MGA: variants seen among roughly 807,000 people sequenced by gnomAD.
MGA encodes the protein MAX gene-associated protein.
In MGA, 40 loss-of-function variants were observed where a neutral mutation model predicts 261.1. The ratio of observed to expected loss-of-function variants is 0.15; its 90% CI spans 0.12 to 0.20. The LOEUF is 0.20. Ranked by LOEUF, MGA falls within the 10% of genes least tolerant of loss-of-function variation. The probability of loss-of-function intolerance (pLI) is 1.00; values close to 1 mark genes in which losing one functional copy is unlikely to be tolerated. For synonymous variants in MGA, 1,302 were observed against 1,290.6 expected, an observed-to-expected ratio of 1.01 and a Z score of -0.19; for missense variants, 3,397 against 3,630.5, an observed-to-expected ratio of 0.94 and a Z score of 1.65.
chr15:41,622,357 T>C (rs928235274), intron 1 of MGA, among the ~76,000 whole-genome samples: 2 of 151,854 alleles, frequency 1.3e-5, no homozygotes, highest in East Asian at 3.9e-4. Flanking sequence ...ATAAAATAAT[T>C]TAACAAATTC....
chr15:41,717,799 C>T (rs2060720286), intron 9 of MGA, among the ~76,000 whole-genome samples: 1 of 152,156 alleles, frequency 6.6e-6, no homozygotes, highest in Non-Finnish European at 1.5e-5. Context: ...AAACTGTAGA[C>T]TGATAACCCT....
chr15:41,627,469 CA>C (rs1199119468), intron 1 of MGA, among the ~76,000 whole-genome samples: 4 of 152,148 alleles, frequency 2.6e-5, no homozygotes, highest in Non-Finnish European at 4.4e-5. Flanking sequence ...ATGCTTTTTT[CA>C]TCATTAGACT....
intron 9 of MGA, among the ~76,000 whole-genome samples, chr15:41,723,983 G>A (rs146695574): frequency 2.4e-4 from 35 of 148,384 alleles, no homozygotes; most frequent in Non-Finnish European, 3.0e-4. Context: ...TTTTTTTGAA[G>A]TACTGTACTG....
At chr15:41,718,270 T>G in intron 9 of MGA, 1 of 221,944 alleles carries the variant, frequency 4.5e-6, no homozygotes, top group Non-Finnish European at 8.7e-6. Flanking sequence ...TATCTTGATA[T>G]ATGTAGTGTA....
intron 1 of MGA, among the ~76,000 whole-genome samples, chr15:41,632,531 A>C (rs1262393835): frequency 6.6e-6 from 1 of 152,180 alleles, no homozygotes; most frequent in Non-Finnish European, 1.5e-5. Context: ...TCCAGGGCTA[A>C]AATTTGCCTC....
intron 1 of MGA, among the ~76,000 whole-genome samples, chr15:41,661,339 C>T (rs2057384767): frequency 6.7e-6 from 1 of 149,646 alleles, no homozygotes; most frequent in East Asian, 2.0e-4. Flanking sequence ...ACATCACCCC[C>T]CCACCGCCCC....
intron 15 of MGA, among the ~76,000 whole-genome samples, chr15:41,745,700 G>T (rs1240732337): frequency 6.6e-6 from 1 of 152,078 alleles, no homozygotes; most frequent in African/African-American, 2.4e-5. Context: ...TACATCTCAG[G>T]CTCAAGTGAT....
chr15:41,757,458 A>G (rs756959165), intron 18 of MGA, among the ~76,000 whole-genome samples: 7 of 152,170 alleles, frequency 4.6e-5, no homozygotes, highest in Non-Finnish European at 8.8e-5. Flanking sequence ...TGCAAATACT[A>G]TGCCATTTTA....
chr15:41,744,558 A>T (rs997569429), intron 15 of MGA, among the ~76,000 whole-genome samples: 1 of 152,146 alleles, frequency 6.6e-6, no homozygotes, highest in African/African-American at 2.4e-5. Context: ...CCCATAAATC[A>T]TGATTAATCT....
rs924002639 is a variant in MGA at position 41,731,483 on chromosome 15, A to G, written c.3843+2134A>G. On this transcript the variant is annotated intron_variant, in intron 11 of 23. Coordinates refer to ENST00000219905, the MANE Select transcript of MGA (RefSeq NM_001164273.2). ...AGAAGGAAAGACAGAAAAAGCATCA[A>G]GTTTTTAAAGTAGTTAATATACTAC... 3.3e-5 allele frequency among the ~76,000 whole-genome samples: 5 copies of G among 152,124 alleles called. No homozygotes were observed. The East Asian group carries it at 9.6e-4, about 29-fold the overall frequency.
chr15:41,672,883 C>CAT (rs1259902887), intron 2 of MGA, among the ~76,000 whole-genome samples: 2 of 152,048 alleles, frequency 1.3e-5, no homozygotes, highest in Non-Finnish European at 2.9e-5. Flanking sequence ...CACACACACA[C>CAT]ACACACACTA....
intron 9 of MGA, among the ~76,000 whole-genome samples, chr15:41,724,117 G>A (rs145077829): frequency 4.0e-4 from 61 of 152,242 alleles, no homozygotes; most frequent in African/African-American, 1.3e-3. Flanking sequence ...AAGATGTCTT[G>A]CTTGCCCTAA....
chr15:41,750,521 A>G lies in MGA; in HGVS notation c.6914A>G (p.Asp2305Gly). 6.2e-7 allele frequency: 1 copy of G among 1,613,626 alleles called. No homozygotes were observed. Among genetic ancestry groups the G allele is most frequent in the East Asian group, 2.2e-5 (1 of 44,874 alleles). ...ACTGTTTTGGATTTGGAAGAAGATG[A>G]TGAAGATGATAATGAGAAAACTGAT... The change falls in exon 17 of 24, where the codon GAT becomes GGT. Residue 2305 changes from aspartate (D) to glycine (G), a missense_variant. This residue lies in a region of MGA where 1,410 missense variants were observed against 1,386.4 expected (regional missense o/e 1.02). Transcript: ENST00000219905.
intron 9 of MGA, 48 bp downstream of exon 9, chr15:41,713,544 A>G (rs1220877405): frequency 6.8e-7 from 1 of 1,471,080 alleles, no homozygotes. Flanking sequence ...GTTTTTGGAA[A>G]AGTATGGTTA....
intron 1 of MGA, among the ~76,000 whole-genome samples, chr15:41,627,419 C>T (rs1459713545): frequency 6.6e-6 from 1 of 152,062 alleles, no homozygotes; most frequent in Admixed American, 6.6e-5. Context: ...TGAGGAATAC[C>T]AGTCAGGTTT....
chr15:41,696,621 C>T lies in MGA; in HGVS notation c.1611C>T (p.Leu537=). 1 of 1,613,676 alleles carries T rather than the reference C, an allele frequency of 6.2e-7. No homozygotes were observed. The highest frequency in any genetic ancestry group is 8.5e-7 in the Non-Finnish European group (1 of 1,179,764). Residue 537 remains leucine, a synonymous_variant, in exon 3 of 24, where the codon CTC becomes CTT. Coordinates refer to ENST00000219905, the MANE Select transcript of MGA (RefSeq NM_001164273.2). ...GTCTTAGAAAACATTCACCAGATCT[C>T]AGAGTGGTACAAAAATATCCCTTAC... is the stretch of plus-strand genomic sequence containing the variant.
At chr15:41,700,610 C>CT (rs904012716) in intron 5 of MGA, among the ~76,000 whole-genome samples, 16 of 152,026 alleles carry the variant, frequency 1.1e-4, no homozygotes, top group Non-Finnish European at 1.8e-4. Flanking sequence ...TCATTTTTAT[C>CT]TTTATTTTAT....
At chr15:41,726,255 G>T (rs2061242420) in intron 9 of MGA, among the ~76,000 whole-genome samples, 1 of 152,090 alleles carries the variant, frequency 6.6e-6, no homozygotes, top group East Asian at 1.9e-4. Context: ...GCCTCTCACT[G>T]GTTGGACATC....
intron 15 of MGA, among the ~76,000 whole-genome samples, chr15:41,745,532 A>G (rs1031563076): frequency 1.9e-4 from 29 of 151,736 alleles, no homozygotes; most frequent in African/African-American, 6.0e-4. Context: ...AATATCTTCT[A>G]TAGTACCATT....
Sources: allele counts gnomAD v4.1 joint callset (sites outside exome capture counted in the v4.1 genomes callset), GRCh38; gene constraint gnomAD v4.1.1; regional missense constraint gnomAD v4.1.1; transcripts MANE v1.5; gene names NCBI Gene and HGNC (gene_info 2026-07-23, HGNC 2026-07-21).